Variants in ZC3H18 observed in about 807,000 individuals in gnomAD.
The protein encoded by ZC3H18 is zinc finger CCCH-type containing 18, also known as zinc finger CCCH domain-containing protein 18.
In ZC3H18, 8 loss-of-function variants were observed where a neutral mutation model predicts 106.1. That is an observed-to-expected ratio of 0.08 (90% CI 0.04 to 0.14). ZC3H18 has a LOEUF of 0.14. ZC3H18 is among the 10% of genes least tolerant of loss of function. ZC3H18 has a pLI of 1.00. For synonymous variants in ZC3H18, 635 were observed against 522.1 expected (o/e 1.22, Z -2.95); for missense variants, 1,318 against 1,278.4 (o/e 1.03, Z -0.47).
At chr16:88,608,900 G>A in intron 6 of ZC3H18, 34 bp from the exon 7 acceptor site, 3 of 1,560,148 alleles carry the variant, frequency 1.9e-6, no homozygotes, top group South Asian at 1.1e-5. Context: ...GTGCTCCTAA[G>A]TGATGAGAGT....
intron 13 of ZC3H18, chr16:88,626,700 A>AG (rs1379719330): frequency 1.6e-5 from 1 of 63,314 alleles, no homozygotes; most frequent in Non-Finnish European, 3.6e-5. Flanking sequence ...CTGACTTTTG[A>AG]AAAAAAAAAA....
chr16:88,571,599 C>T (rs1914411380), intron 1 of ZC3H18: 2 of 985,396 alleles, frequency 2.0e-6, no homozygotes, highest in Non-Finnish European at 2.4e-6. Context: ...GCCGGAAACT[C>T]CTCTCCCGTT....
intron 1 of ZC3H18, among the ~76,000 whole-genome samples, chr16:88,575,568 G>A (rs77710853): frequency 3.3e-5 from 5 of 152,008 alleles, no homozygotes; most frequent in East Asian, 1.9e-4. Context: ...CTTCCTACCC[G>A]TCTTAACACC....
chr16:88,577,006 G>A, intron 1 of ZC3H18, 104 bp from the exon 2 acceptor site: 1 of 1,258,804 alleles, frequency 7.9e-7, no homozygotes, highest in Non-Finnish European at 1.1e-6. Flanking sequence ...GGCCGTGTGG[G>A]ACCAAGCAGG....
intron 10 of ZC3H18, chr16:88,623,746 G>A (rs1383595959): frequency 5.7e-6 from 5 of 871,466 alleles, no homozygotes; most frequent in African/African-American, 3.4e-5. Context: ...CGGAGGACCC[G>A]CCAGTGGATG....
rs116721521 is a variant in ZC3H18, at chr16:88,623,664, G to A, written c.1794-294G>A. ...TCCTGTGGGTGTTTCTATGGGAGCT[G>A]TGCTGCTGCCCCACTGCCAAGGAGC... On this transcript the variant is annotated intron_variant, in intron 10 of 17. Coordinates refer to ENST00000301011, the MANE Select transcript of ZC3H18 (RefSeq NM_144604.4). 7.3e-3 allele frequency: 4,082 copies of A among 558,054 alleles called. 82 individuals are homozygous for A. Among genetic ancestry groups the A allele is most frequent in the African/African-American group, 0.05 (2,664 of 53,168 alleles). The allele number at this position is 558,054 out of a possible 1,614,324, so 34.6% of individuals were successfully genotyped here. A position where few individuals can be genotyped will look rare whatever the true frequency, so the allele number is the denominator to read the frequency against.
At chr16:88,602,095 C>T (rs1370480127) in intron 6 of ZC3H18, among the ~76,000 whole-genome samples, 2 of 152,188 alleles carry the variant, frequency 1.3e-5, no homozygotes, top group African/African-American at 2.4e-5. Context: ...TGTCCTGGTG[C>T]GTGCTGTTGG....
At chr16:88,583,172 C>G (rs548695254) in intron 2 of ZC3H18, among the ~76,000 whole-genome samples, 4 of 152,334 alleles carry the variant, frequency 2.6e-5, no homozygotes, top group Admixed American at 2.6e-4. Context: ...TGTACAGAAG[C>G]TCCAGTGTGA....
chr16:88,618,385 C>T lies in ZC3H18; in HGVS notation c.1476-3812C>T, dbSNP rs959233355. Among the ~76,000 whole-genome samples the T allele has an allele frequency of 3.9e-5, 6 of 152,192 alleles. 1 individual carries two copies. The South Asian group carries it at 6.2e-4, about 16-fold the overall frequency. On this transcript the variant is annotated intron_variant, in intron 8 of 17. Transcript: ENST00000301011. ...GAGCTGCCTCTGAGCAGGCTCAGCC[C>T]GGGGAGGCCCATAGGCTCCCATCTC...
chr16:88,598,428 G>C lies in ZC3H18; in HGVS notation c.837+102G>C, dbSNP rs1163759605. Reference sequence around the variant, plus strand: ...CACTGTGCCTTAGCACAGGCTCAGTGCCCCCTTTCGGCTGCTTCTGTCGTC... The same window carrying C: ...CACTGTGCCTTAGCACAGGCTCAGTCCCCCCTTTCGGCTGCTTCTGTCGTC... On this transcript the variant is annotated intron_variant, in intron 4 of 17. Coordinates refer to ENST00000301011, the MANE Select transcript of ZC3H18 (RefSeq NM_144604.4). 5 of 1,514,618 alleles carry C rather than the reference G, an allele frequency of 3.3e-6. No individual in the cohort carries two copies. The African/African-American group carries it at 5.6e-5, about 17-fold the overall frequency. The allele number at this position is 1,514,618 out of a possible 1,614,324, so 93.8% of individuals were successfully genotyped here.
chr16:88,613,551 C>T lies in ZC3H18; in HGVS notation c.1475+2015C>T, dbSNP rs140148291. 1.1e-4 allele frequency among the ~76,000 whole-genome samples: 16 copies of T among 152,254 alleles called. 1 individual carries two copies. Among genetic ancestry groups the T allele is most frequent in the African/African-American group, 3.4e-4 (14 of 41,526 alleles). ...ATGACAGCCGTCTTGGTGGGTGTGACGTCTCCCTGCCGTTGCGATTTGTAT... is the reference window on the plus strand; with the variant it reads ...ATGACAGCCGTCTTGGTGGGTGTGATGTCTCCCTGCCGTTGCGATTTGTAT... On this transcript the variant is annotated intron_variant, in intron 8 of 17. Transcript: ENST00000301011.
At chr16:88,603,623 CT>C (rs59222261) in intron 6 of ZC3H18, among the ~76,000 whole-genome samples, 62,075 of 132,306 alleles carry the variant, frequency 0.47, 14,847 homozygotes, top group African/African-American at 0.55. Context: ...GACTCCGTCT[CT>C]TTTTTTTTTT....
chr16:88,628,052 C>G lies in ZC3H18; in HGVS notation c.2402C>G (p.Pro801Arg). Residue 801 changes from proline (P) to arginine (R), a missense_variant, in exon 15 of 18, where the codon CCC (proline) becomes CGC (arginine). By Grantham distance (103) the Pro-to-Arg change is moderately radical. Coordinates refer to ENST00000301011, the MANE Select transcript of ZC3H18 (RefSeq NM_144604.4). ...CAGCCCTCGACACCCCAGCAGGCAC[C>G]CCCCGGGCAGCCCCAGCAGGGCACA... ...SQQPSTPQQA[P>R]PGQPQQGTFV... 1 of 1,614,092 alleles carries G rather than the reference C, an allele frequency of 6.2e-7. No homozygotes were observed. Among genetic ancestry groups the G allele is most frequent in the Non-Finnish European group, 8.5e-7 (1 of 1,180,010 alleles).
chr16:88,581,372 A>G (rs1370648401), intron 2 of ZC3H18, among the ~76,000 whole-genome samples: 11 of 152,178 alleles, frequency 7.2e-5, no homozygotes, highest in Non-Finnish European at 1.0e-4. Context: ...GGACAGGTGA[A>G]CTGATTATGG....
At chr16:88,624,291 G>A in intron 11 of ZC3H18, 1 of 678,432 alleles carries the variant, frequency 1.5e-6, no homozygotes, top group East Asian at 2.7e-5. Context: ...ACAGAGCACA[G>A]CCCTGGGGAC....
intron 2 of ZC3H18, among the ~76,000 whole-genome samples, chr16:88,579,235 C>T (rs1052164002): frequency 2.6e-5 from 4 of 152,158 alleles, no homozygotes; most frequent in Non-Finnish European, 4.4e-5. Context: ...AGACCTACCC[C>T]AGGGCTGGCA....
At chr16:88,584,681 G>C (rs138951068) in intron 2 of ZC3H18, among the ~76,000 whole-genome samples, 1 of 152,102 alleles carries the variant, frequency 6.6e-6, no homozygotes, top group Non-Finnish European at 1.5e-5. Context: ...ATGATGTCTC[G>C]CACCTTCAGT....
intron 2 of ZC3H18, among the ~76,000 whole-genome samples, chr16:88,582,074 G>A (rs1405890457): frequency 6.6e-6 from 1 of 152,170 alleles, no homozygotes; most frequent in Admixed American, 6.5e-5. Context: ...TAGTCAGCCA[G>A]CAGCGCAGTG....
In ZC3H18 at chr16:88,577,241, G is replaced by C. The variant is rs775949076; in HGVS notation, c.118G>C (p.Gly40Arg). Residue 40 changes from glycine to arginine, a missense_variant, in exon 2 of 18, where the codon GGG becomes CGG. By Grantham distance (125) the Gly-to-Arg change is moderately radical. Around this residue, in one of 6 missense-constraint regions of ZC3H18, gnomAD observed 346 missense variants for 269.0 expected, o/e 1.29. Coordinates refer to ENST00000301011, the MANE Select transcript of ZC3H18 (RefSeq NM_144604.4). Reference sequence around the variant, plus strand: ...CAGCGGGTCCGATCAGGATTTGGACGGGGCGGGGGTGAGGGCTTCTGATCT... The same window carrying C: ...CAGCGGGTCCGATCAGGATTTGGACCGGGCGGGGGTGAGGGCTTCTGATCT... ...RDSGSDQDLDGAGVRASDLED... is the reference protein window; with the variant it reads ...RDSGSDQDLDRAGVRASDLED... 6.2e-7 allele frequency: 1 copy of C among 1,613,520 alleles called. No homozygotes were observed. Among genetic ancestry groups the C allele is most frequent in the South Asian group, 1.1e-5 (1 of 90,984 alleles).
Sources: allele counts gnomAD v4.1 joint callset (sites outside exome capture counted in the v4.1 genomes callset), GRCh38; gene constraint gnomAD v4.1.1; regional missense constraint gnomAD v4.1.1; transcripts MANE v1.5; gene names NCBI Gene and HGNC (gene_info 2026-07-23, HGNC 2026-07-21).